DLAT: variants seen among roughly 807,000 people sequenced by gnomAD.
The protein encoded by DLAT is dihydrolipoyllysine-residue acetyltransferase component of pyruvate dehydrogenase complex, mitochondrial.
DLAT carries 43 observed loss-of-function variants against 68.0 expected under a neutral mutation model. That is an observed-to-expected ratio of 0.63 (90% CI 0.50 to 0.81). The LOEUF (loss-of-function observed/expected upper bound fraction) is 0.81. Ranked by LOEUF, DLAT falls within the 40% of genes least tolerant of loss-of-function variation. DLAT has a pLI of 0.00. For missense variants in DLAT, 745 were observed against 815.4 expected (o/e 0.91, Z 1.05); for synonymous variants, 265 against 288.6 (o/e 0.92, Z 0.83).
chr11:112,057,037 C>G (rs1177693497), intron 11 of DLAT, among the ~76,000 whole-genome samples: 4 of 152,134 alleles, frequency 2.6e-5, no homozygotes, highest in African/African-American at 9.7e-5. Flanking sequence ...GTATTTCAAA[C>G]TTTATTATTG....
At chr11:112,059,796 C>G in intron 11 of DLAT, 107 bp from the exon 12 acceptor site, 1 of 931,046 alleles carries the variant, frequency 1.1e-6, no homozygotes, top group East Asian at 2.7e-5. Flanking sequence ...CAATAACACA[C>G]ATTGGTTCAA....
At chr11:112,039,067 T>TATTA (rs1354288523) in intron 6 of DLAT, among the ~76,000 whole-genome samples, 177 bp from the exon 7 acceptor site, 6 of 152,196 alleles carry the variant, frequency 3.9e-5, no homozygotes, top group African/African-American at 1.2e-4. Context: ...TCGCTGTTCG[T>TATTA]ATTACTACAT....
At chr11:112,061,243 C>T (rs1231188396) in intron 13 of DLAT, 69 bp downstream of exon 13, 3 of 1,573,898 alleles carry the variant, frequency 1.9e-6, no homozygotes, top group African/African-American at 1.4e-5. Context: ...CCTGTGGTAT[C>T]CTCAGGGGAT....
chr11:112,043,066 A>G (rs1863127349), intron 7 of DLAT, among the ~76,000 whole-genome samples: 1 of 152,246 alleles, frequency 6.6e-6, no homozygotes, highest in Admixed American at 6.5e-5. Context: ...TTTTGGAGCT[A>G]ACCAGGAGGA....
In DLAT at chr11:112,028,789, T is replaced by G; in HGVS notation, c.507-3T>G. On this transcript the variant is annotated splice_polypyrimidine_tract_variant and splice_region_variant and intron_variant, in intron 3 of 13. Coordinates refer to ENST00000280346, the MANE Select transcript of DLAT (RefSeq NM_001931.5). The stretch of plus-strand genomic sequence containing the variant: ...ATATTTATGCATTCTTTCTCTTCCT[T>G]AGGCCTGAGGATATTGAGGCCTTTA... 6.2e-7 allele frequency: 1 copy of G among 1,614,204 alleles called. No individual in the cohort carries two copies.
At chr11:112,050,719 C>A (rs150967287) in intron 10 of DLAT, among the ~76,000 whole-genome samples, 336 of 152,330 alleles carry the variant, frequency 2.2e-3, no homozygotes, top group Non-Finnish European at 4.4e-3. Flanking sequence ...CTTCTCTCCT[C>A]TTCTTGGTCA....
At chr11:112,037,557 A>C in intron 6 of DLAT, 97 bp downstream of exon 6, 1 of 1,169,630 alleles carries the variant, frequency 8.5e-7, no homozygotes, top group Non-Finnish European at 1.3e-6. Context: ...TCCACCTCCA[A>C]GATTCTATGA....
chr11:112,046,818 A>T (rs491144), intron 10 of DLAT, among the ~76,000 whole-genome samples: 7,591 of 152,112 alleles, frequency 0.05, 649 homozygotes, highest in African/African-American at 0.17. Flanking sequence ...TTATGGCTGC[A>T]TAGTATTCCA....
rs868922896 is a variant in DLAT, at chr11:112,028,557, GA to G, written c.425del (p.Glu142GlyfsTer89). 3 of 1,614,182 alleles carry G rather than the reference GA, an allele frequency of 1.9e-6. No homozygotes were observed. The highest frequency in any genetic ancestry group is 2.5e-6 in the Non-Finnish European group (3 of 1,180,032). Reference protein sequence around the residue: ...KATVGFESLEECYMAKILVAE... With the variant: ...KATVGFESLEXCYMAKILVAE... ...CACTGTTGGATTTGAGAGCCTGGAG[GA>G]GTGTTATATGGCAAAGATACTTGTT... On this transcript the variant is annotated frameshift_variant, in exon 3 of 14. Coordinates refer to ENST00000280346, the MANE Select transcript of DLAT (RefSeq NM_001931.5). LOFTEE classifies it high-confidence loss of function.
At chr11:112,046,138 T>A (rs1209144883) in intron 10 of DLAT, among the ~76,000 whole-genome samples, 168 bp downstream of exon 10, 2 of 152,214 alleles carry the variant, frequency 1.3e-5, no homozygotes, top group Non-Finnish European at 2.9e-5. Context: ...ATGTCCACTT[T>A]TATCAATTTT....
intron 8 of DLAT, 76 bp downstream of exon 8, chr11:112,043,609 G>A: frequency 8.3e-7 from 1 of 1,204,134 alleles, no homozygotes; most frequent in Non-Finnish European, 1.2e-6. Context: ...CATTATTTAT[G>A]AACGAAATAG....
rs1555181428 is a variant in DLAT, at chr11:112,045,897, C to T, written c.1325C>T (p.Thr442Ile). The change falls in exon 10 of 14, where the codon ACC becomes ATC. Residue 442 changes from threonine to isoleucine, a missense_variant. By Grantham distance (89) the Thr-to-Ile change is moderately conservative. Coordinates refer to ENST00000280346, the MANE Select transcript of DLAT (RefSeq NM_001931.5). ...CAGCGATTAATGCAATCAAAGCAAA[C>T]CATACCTCATTATTACCTTTCTATC... ...IAQRLMQSKQTIPHYYLSIDV... is the reference protein window; with the variant it reads ...IAQRLMQSKQIIPHYYLSIDV... 2 of 1,612,026 alleles carry T rather than the reference C, an allele frequency of 1.2e-6. No homozygotes were observed. Among genetic ancestry groups the T allele is most frequent in the Non-Finnish European group, 1.7e-6 (2 of 1,178,236 alleles).
chr11:112,060,509 C>G (rs1183230993), intron 12 of DLAT, among the ~76,000 whole-genome samples: 1 of 152,018 alleles, frequency 6.6e-6, no homozygotes, highest in Non-Finnish European at 1.5e-5. Flanking sequence ...GGTTGGAGTA[C>G]AATGGTGCAA....
At position 112,045,194 on chromosome 11, in the gene DLAT, T is replaced by C; in HGVS notation, c.1254T>C (p.Gly418=). The change falls in exon 9 of 14, where the codon GGT becomes GGC. Residue 418 remains glycine (G), a synonymous_variant. Coordinates refer to ENST00000280346, the MANE Select transcript of DLAT (RefSeq NM_001931.5). The part of the protein sequence containing the change: ...TGPGMAPVPT[G]VFTDIPISNI... The stretch of plus-strand genomic sequence containing the variant: ...CTGGAATGGCACCAGTTCCTACAGG[T>C]GTCTTCACAGATATCCCAATCAGCA... 6.2e-7 allele frequency: 1 copy of C among 1,614,138 alleles called. No homozygotes were observed. Among genetic ancestry groups the C allele is most frequent in the South Asian group, 1.1e-5 (1 of 91,082 alleles).
chr11:112,037,413 G>T lies in DLAT; in HGVS notation c.928G>T (p.Glu310Ter). ...AGCATTTGCTGACTATAGGCCAACC[G>T]AAGTAACAGATTTAAAACCACAAGT... ...ISAFADYRPTEVTDLKPQVPP... is the reference protein window; with the variant it reads ...ISAFADYRPT Residue 310 changes from glutamate to a stop codon, truncating the protein, a stop_gained, in exon 6 of 14, where the codon GAA becomes TAA. Transcript: ENST00000280346. LOFTEE classifies it high-confidence loss of function. 1 of 1,614,164 alleles carries T rather than the reference G, an allele frequency of 6.2e-7. No individual in the cohort carries two copies. Among genetic ancestry groups the T allele is most frequent in the Non-Finnish European group, 8.5e-7 (1 of 1,180,028 alleles).
intron 11 of DLAT, among the ~76,000 whole-genome samples, chr11:112,055,235 A>ATTTTTTT (rs66865041): frequency 1.3e-5 from 1 of 75,444 alleles, no homozygotes. Context: ...GTCAAGGCCT[A>ATTTTTTT]TTTTTTTTTT....
intron 10 of DLAT, among the ~76,000 whole-genome samples, chr11:112,048,498 A>G (rs1158080946): frequency 1.3e-5 from 2 of 152,110 alleles, no homozygotes; most frequent in African/African-American, 4.8e-5. Flanking sequence ...AACTTCCAAT[A>G]CTATGCTGAA....
chr11:112,055,055 G>A (rs1202924045), intron 11 of DLAT, among the ~76,000 whole-genome samples: 1 of 151,972 alleles, frequency 6.6e-6, no homozygotes, highest in African/African-American at 2.4e-5. Context: ...ACATTGATAG[G>A]TTCCAGGGAT....
In DLAT at chr11:112,063,853, A is replaced by G. The variant is rs757760280; in HGVS notation, c.*1318A>G. The G allele has an allele frequency of 4.1e-5, 9 of 220,346 alleles. No homozygotes were observed. Among genetic ancestry groups the G allele is most frequent in the Non-Finnish European group, 7.9e-5 (9 of 113,772 alleles). 13.6% of individuals were successfully genotyped at this position (220,346 alleles called of 1,614,324 possible). A position where few individuals can be genotyped will look rare whatever the true frequency, so the allele number is the denominator to read the frequency against. On this transcript the variant is annotated 3_prime_UTR_variant, in exon 14 of 14. Transcript: ENST00000280346. The stretch of plus-strand genomic sequence containing the variant: ...TATTAATATTTATGTGTTTTAATAA[A>G]CGTTTGAAATTATTTATGACTACTT...
Sources: allele counts gnomAD v4.1 joint callset (sites outside exome capture counted in the v4.1 genomes callset), GRCh38; gene constraint gnomAD v4.1.1; transcripts MANE v1.5; gene names NCBI Gene and HGNC (gene_info 2026-07-23, HGNC 2026-07-21).